OR1J2: variants seen among roughly 807,000 people sequenced by gnomAD.
OR1J2 encodes olfactory receptor 1J2.
For missense variants in OR1J2, 304 were observed against 246.1 expected (o/e 1.24, Z -1.57); for synonymous variants, 142 against 99.7 (o/e 1.42, Z -2.52).
chr9:122,565,880 C>T, the OR1J2 span, among the ~76,000 whole-genome samples: 2 of 152,194 alleles, frequency 1.3e-5, no homozygotes, highest in African/African-American at 2.4e-5. Context: ...AGAATACACA[C>T]AGTCAAGAAC....
chr9:122,479,851 G>T, the OR1J2 span, among the ~76,000 whole-genome samples: 9 of 152,070 alleles, frequency 5.9e-5, no homozygotes, highest in Non-Finnish European at 1.3e-4. Context: ...CAAATAAAAT[G>T]TTAGAGCTAT....
the OR1J2 span, among the ~76,000 whole-genome samples, chr9:122,476,700 AT>A: frequency 1.3e-4 from 19 of 151,550 alleles, no homozygotes; most frequent in East Asian, 2.9e-3. Flanking sequence ...TTACTCAATA[AT>A]TTTTTTTTCT....
the OR1J2 span, among the ~76,000 whole-genome samples, chr9:122,573,656 T>C: frequency 1.3e-5 from 2 of 152,344 alleles, no homozygotes; most frequent in African/African-American, 4.8e-5. Flanking sequence ...CTTTATCAGA[T>C]ATGTTTTGTG....
chr9:122,519,335 C>G, the OR1J2 span: 1 of 1,614,178 alleles, frequency 6.2e-7, no homozygotes, highest in Non-Finnish European at 8.5e-7. Flanking sequence ...TCCTCAGCCA[C>G]TTGGCTCTCA....
rs527700723 is a variant in OR1J2, at chr9:122,511,072, T to C, written c.271T>C (p.Ser91Pro). The C allele has an allele frequency of 1.5e-6, 2 of 1,305,630 alleles. No individual in the cohort carries two copies. The highest frequency in any genetic ancestry group is 4.6e-5 in the East Asian group (2 of 43,242). 80.9% of individuals were successfully genotyped at this position (1,305,630 alleles called of 1,614,324 possible). Residue 91 changes from serine (S) to proline (P), a missense_variant, in exon 1 of 1, where the codon TCG (serine) becomes CCG (proline). By Grantham distance (74) the Ser-to-Pro change is moderately conservative (BLOSUM62 -1). Transcript: ENST00000335302. ...MLMDMRTKYKSILYEECISQM... is the reference protein window; with the variant it reads ...MLMDMRTKYKPILYEECISQM... ...GATGGACATGCGGACTAAGTACAAA[T>C]CGATCCTCTATGAGGAATGCATTTC...
At chr9:122,477,615 G>GA in the OR1J2 span, 3 of 1,614,164 alleles carry the variant, frequency 1.9e-6, no homozygotes, top group Non-Finnish European at 2.5e-6. Flanking sequence ...CAAAAAATAT[G>GA]AAAAAATATG....
chr9:122,448,868 T>C, the OR1J2 span: 1 of 151,922 alleles, frequency 6.6e-6, no homozygotes, highest in Non-Finnish European at 1.5e-5. Flanking sequence ...GAGTTTCTTA[T>C]GTCTTCCTTT....
At chr9:122,482,587 A>G in the OR1J2 span, among the ~76,000 whole-genome samples, 1 of 152,236 alleles carries the variant, frequency 6.6e-6, no homozygotes, top group African/African-American at 2.4e-5. Flanking sequence ...CACTATTCAC[A>G]ATAGCCAAGA....
chr9:122,510,658 C>T (rs185379333), upstream of OR1J2: 2 of 554,294 alleles, frequency 3.6e-6, no homozygotes, highest in Non-Finnish European at 6.4e-6. Flanking sequence ...TCCCCACAGA[C>T]CCCCGATAGG....
the OR1J2 span, among the ~76,000 whole-genome samples, chr9:122,472,550 A>T: frequency 6.6e-6 from 1 of 152,242 alleles, no homozygotes; most frequent in Non-Finnish European, 1.5e-5. Context: ...CACAATTTGT[A>T]GTTATTACTG....
the OR1J2 span, chr9:122,477,522 G>A: frequency 3.1e-6 from 5 of 1,614,194 alleles, no homozygotes; most frequent in Non-Finnish European, 4.2e-6. Context: ...TCTGAGTCAT[G>A]ATGGTGGCAT....
the OR1J2 span, among the ~76,000 whole-genome samples, chr9:122,580,185 C>T: frequency 3.9e-5 from 6 of 152,094 alleles, no homozygotes; most frequent in Non-Finnish European, 4.4e-5. Context: ...AAAAAATGTT[C>T]CAAGAATATT....
At chr9:122,578,056 C>T in the OR1J2 span, among the ~76,000 whole-genome samples, 1 of 152,138 alleles carries the variant, frequency 6.6e-6, no homozygotes. Context: ...ATTAGTACAA[C>T]CACTATGGAA....
the OR1J2 span, among the ~76,000 whole-genome samples, chr9:122,544,993 A>G: frequency 6.6e-6 from 1 of 152,166 alleles, no homozygotes; most frequent in African/African-American, 2.4e-5. Flanking sequence ...TTTCCCTCTA[A>G]GCACAACTTT....
At chr9:122,458,911 T>C in the OR1J2 span, among the ~76,000 whole-genome samples, 1 of 152,144 alleles carries the variant, frequency 6.6e-6, no homozygotes, top group Non-Finnish European at 1.5e-5. Context: ...CAACATTTCA[T>C]ATGCTCTTTT....
At chr9:122,471,360 A>C in the OR1J2 span, 2 of 152,182 alleles carry the variant, frequency 1.3e-5, no homozygotes, top group African/African-American at 4.8e-5. Context: ...GCCATATAAG[A>C]AATGCCTTTT....
At chr9:122,531,709 G>T in the OR1J2 span, among the ~76,000 whole-genome samples, 1 of 152,162 alleles carries the variant, frequency 6.6e-6, no homozygotes, top group Non-Finnish European at 1.5e-5. Context: ...GACCGTAAGG[G>T]ATATAAAGGT....
At chr9:122,487,868 A>C in the OR1J2 span, among the ~76,000 whole-genome samples, 1 of 152,202 alleles carries the variant, frequency 6.6e-6, no homozygotes, top group Non-Finnish European at 1.5e-5. Flanking sequence ...AAGAACTTTT[A>C]TTATGTACAG....
chr9:122,515,356 G>GTGTGTGTGTGTA (rs1828685755), downstream of OR1J2, among the ~76,000 whole-genome samples: 1 of 149,166 alleles, frequency 6.7e-6, no homozygotes, highest in African/African-American at 2.5e-5. Flanking sequence ...AGCAGGTTGT[G>GTGTGTGTGTGTA]TGTGTGTGTG....
Sources: gnomAD v4.1 joint callset for allele counts (sites outside exome capture counted in the v4.1 genomes callset) on GRCh38, gnomAD v4.1.1 for gene constraint, MANE v1.5 for transcripts, NCBI Gene and HGNC (gene_info 2026-07-23, HGNC 2026-07-21) for gene names.